RALGAPA1: variants seen among roughly 807,000 people sequenced by gnomAD.
RALGAPA1 encodes ral GTPase-activating protein subunit alpha-1.
RALGAPA1 carries 52 observed loss-of-function variants against 269.6 expected under a neutral mutation model. The observed-to-expected ratio is 0.19, with a 90% CI of 0.15 to 0.24. The LOEUF is 0.24. Among genes scored for constraint, RALGAPA1 ranks in the 10% least tolerant of loss-of-function variants. The pLI is 1.00. For missense variants in RALGAPA1, 1,917 were observed against 3,013.9 expected (o/e 0.64, Z 8.52); for synonymous variants, 817 against 1,008.3 (o/e 0.81, Z 3.60).
chr14:35,548,500 T>G lies in RALGAPA1; in HGVS notation c.*23+8A>C. On this transcript the variant is annotated splice_region_variant and intron_variant, in intron 41 of 41. Transcript: ENST00000680220. Reference sequence around the variant, plus strand: ...ACAGAGGGTGTTTTGGTTGACACTTTGTCTTACCTTCAGATAAACAGAACT... The same window carrying G: ...ACAGAGGGTGTTTTGGTTGACACTTGGTCTTACCTTCAGATAAACAGAACT... The G allele has an allele frequency of 3.2e-6, 5 of 1,555,544 alleles. No homozygotes were observed. The highest frequency in any genetic ancestry group is 4.3e-6 in the Non-Finnish European group (5 of 1,150,154).
intron 26 of RALGAPA1, among the ~76,000 whole-genome samples, chr14:35,668,749 G>A (rs529786996): frequency 2.6e-5 from 4 of 152,298 alleles, no homozygotes; most frequent in African/African-American, 9.6e-5. Flanking sequence ...AGGCTGCAGT[G>A]AGCCTCGATT....
At chr14:35,575,830 G>A (rs1221136298) in intron 37 of RALGAPA1, among the ~76,000 whole-genome samples, 1 of 152,114 alleles carries the variant, frequency 6.6e-6, no homozygotes, top group Non-Finnish European at 1.5e-5. Flanking sequence ...CTGACCTCAG[G>A]TGATCCACCT....
At chr14:35,549,932 C>G (rs1320493883) in intron 39 of RALGAPA1, among the ~76,000 whole-genome samples, 1 of 152,146 alleles carries the variant, frequency 6.6e-6, no homozygotes, top group African/African-American at 2.4e-5. Flanking sequence ...CTCCTAAATA[C>G]TGTCTAACAA....
rs2077566722 is a variant in RALGAPA1, at chr14:35,809,014, C to A, written c.-179G>T. ...ATCCAGGCCAGGGCCGCCACCTCCA[C>A]CCGCCTCGCGCCGCGGCTCCAAGGC... On this transcript the variant is annotated 5_prime_UTR_variant, in exon 1 of 42. Coordinates refer to ENST00000680220, the MANE Select transcript of RALGAPA1 (RefSeq NM_001346249.2). 2 of 1,256,498 alleles carry A rather than the reference C, an allele frequency of 1.6e-6. No homozygotes were observed. The highest frequency in any genetic ancestry group is 1.6e-5 in the South Asian group (1 of 62,314). The allele number at this position is 1,256,498 out of a possible 1,614,324, so 77.8% of individuals were successfully genotyped here. A position where few individuals can be genotyped will look rare whatever the true frequency, so the allele number is the denominator to read the frequency against.
intron 27 of RALGAPA1, 66 bp downstream of exon 27, chr14:35,664,576 T>A: frequency 7.8e-7 from 1 of 1,282,976 alleles, no homozygotes; most frequent in South Asian, 1.5e-5. Context: ...GAATACAAAT[T>A]TTATTGCATA....
chr14:35,566,325 C>T (rs1232630923), intron 39 of RALGAPA1, among the ~76,000 whole-genome samples: 2 of 152,062 alleles, frequency 1.3e-5, no homozygotes, highest in African/African-American at 4.8e-5. Context: ...ATACTGTCCC[C>T]ATTTAGTGAA....
At chr14:35,600,135 C>CTTT (rs1353447238) in intron 36 of RALGAPA1, among the ~76,000 whole-genome samples, 1 of 132,890 alleles carries the variant, frequency 7.5e-6, no homozygotes, top group Non-Finnish European at 1.6e-5. Flanking sequence ...GAATGCTAGA[C>CTTT]TTTTTTTTTT....
At chr14:35,794,638 T>C (rs2076428677) in intron 1 of RALGAPA1, among the ~76,000 whole-genome samples, 1 of 152,108 alleles carries the variant, frequency 6.6e-6, no homozygotes, top group Non-Finnish European at 1.5e-5. Context: ...TTTGTATTTT[T>C]AGTAGAGACG....
chr14:35,791,904 CAAAAAAAAAAAAAA>C (rs773722682), intron 1 of RALGAPA1, among the ~76,000 whole-genome samples: 1 of 11,774 alleles, frequency 8.5e-5, no homozygotes, highest in Non-Finnish European at 2.1e-4. Flanking sequence ...GACTCTGTCT[CAAAAAAAAAAAAAA>C]AAAAAAAAAA....
intron 17 of RALGAPA1, among the ~76,000 whole-genome samples, chr14:35,699,774 T>C (rs1338152530): frequency 6.6e-6 from 1 of 151,776 alleles, no homozygotes; most frequent in African/African-American, 2.4e-5. Context: ...GTCAAAACAA[T>C]GGGAAATTAA....
chr14:35,662,754 T>C (rs59954704), intron 27 of RALGAPA1, among the ~76,000 whole-genome samples: 2,753 of 152,116 alleles, frequency 0.018, 83 homozygotes, highest in African/African-American at 0.063. Flanking sequence ...AAAGAAACCA[T>C]AGCTGCTGAT....
chr14:35,681,433 T>A (rs61635802), intron 21 of RALGAPA1, among the ~76,000 whole-genome samples: 2,781 of 152,300 alleles, frequency 0.018, 84 homozygotes, highest in African/African-American at 0.063. Flanking sequence ...AAGTTAATTA[T>A]CCAAAAAACA....
chr14:35,782,903 C>A (rs2075552266), intron 1 of RALGAPA1, among the ~76,000 whole-genome samples: 1 of 151,912 alleles, frequency 6.6e-6, no homozygotes, highest in African/African-American at 2.4e-5. Context: ...TTCACTGCAG[C>A]CTCAACCTCC....
intron 31 of RALGAPA1, among the ~76,000 whole-genome samples, chr14:35,640,344 C>T (rs2061945177): frequency 2.0e-5 from 3 of 151,736 alleles, no homozygotes; most frequent in Admixed American, 2.0e-4. Flanking sequence ...AATTGACAAA[C>T]CTTTGGCCAC....
At chr14:35,793,234 TCTA>T (rs2076318831) in intron 1 of RALGAPA1, among the ~76,000 whole-genome samples, 1 of 151,152 alleles carries the variant, frequency 6.6e-6, no homozygotes, top group African/African-American at 2.4e-5. Context: ...CTCTCCAAAG[TCTA>T]CTTTTTTTTT....
At chr14:35,742,306 GT>G (rs1408907996) in intron 11 of RALGAPA1, 61 bp downstream of exon 11, 17 of 1,151,758 alleles carry the variant, frequency 1.5e-5, no homozygotes, top group Non-Finnish European at 2.0e-5. Context: ...CCATTATTAT[GT>G]TTCTGCAAAA....
intron 31 of RALGAPA1, among the ~76,000 whole-genome samples, chr14:35,649,885 A>T (rs1051897670): frequency 6.6e-6 from 1 of 152,214 alleles, no homozygotes. Context: ...TTTTATGATA[A>T]ATAAATGTTT....
At chr14:35,714,398 G>A (rs2068628457) in intron 16 of RALGAPA1, among the ~76,000 whole-genome samples, 1 of 152,152 alleles carries the variant, frequency 6.6e-6, no homozygotes, top group Non-Finnish European at 1.5e-5. Flanking sequence ...GTGTTTCTGA[G>A]CATGTGCTTA....
rs901669017 is a variant in RALGAPA1 at position 35,736,618 on chromosome 14, G to A, written c.1587+1895C>T. ...CCAAGCAAAGAAGCATTTCAATGGG[G>A]AAGGAATGATCTACTCTGTAAATGC... is the stretch of plus-strand genomic sequence containing the variant. On this transcript the variant is annotated intron_variant, in intron 12 of 41. Transcript: ENST00000680220. 7.2e-5 allele frequency among the ~76,000 whole-genome samples: 11 copies of A among 152,272 alleles called. No individual in the cohort carries two copies. In the South Asian group the frequency reaches 2.3e-3, roughly 32 times the overall value.
Sources: gnomAD v4.1 joint callset for allele counts (sites outside exome capture counted in the v4.1 genomes callset) on GRCh38, gnomAD v4.1.1 for gene constraint, MANE v1.5 for transcripts, NCBI Gene and HGNC (gene_info 2026-07-23, HGNC 2026-07-21) for gene names.